The following ADAMTSL3 variants were observed in gnomAD, a reference collection of about 807,000 sequenced individuals.
ADAMTSL3 encodes the protein ADAMTS like 3.
A neutral mutation model predicts 201.7 loss-of-function variants in ADAMTSL3; 128 were observed. The ratio of observed to expected loss-of-function variants is 0.63; its 90% CI spans 0.55 to 0.73. ADAMTSL3 has a LOEUF of 0.73. Ranked by LOEUF, ADAMTSL3 falls within the 30% of genes least tolerant of loss-of-function variation. The pLI, the probability that ADAMTSL3 is intolerant of heterozygous loss-of-function variation, is 0.00. For missense variants in ADAMTSL3, 1,990 were observed against 2,119.6 expected (o/e 0.94, Z 1.20); for synonymous variants, 738 against 748.4 (o/e 0.99, Z 0.23).
At chr15:83,712,870 T>G (rs2061951132) in intron 3 of ADAMTSL3, among the ~76,000 whole-genome samples, 1 of 152,184 alleles carries the variant, frequency 6.6e-6, no homozygotes, top group South Asian at 2.1e-4. Context: ...ACCATATCAT[T>G]CTTCAAACTA....
intron 3 of ADAMTSL3, among the ~76,000 whole-genome samples, chr15:83,740,628 A>G (rs1336242200): frequency 6.6e-6 from 1 of 152,214 alleles, no homozygotes; most frequent in Non-Finnish European, 1.5e-5. Context: ...ATAAGAATAA[A>G]AAAGATGCAA....
At chr15:83,751,451 T>C (rs554958667) in intron 3 of ADAMTSL3, among the ~76,000 whole-genome samples, 1 of 152,278 alleles carries the variant, frequency 6.6e-6, no homozygotes, top group Non-Finnish European at 1.5e-5. Flanking sequence ...TTGGCTGCTC[T>C]GGGTCAATAA....
chr15:83,914,437 A>G (rs1006045519), intron 16 of ADAMTSL3, among the ~76,000 whole-genome samples: 1 of 152,138 alleles, frequency 6.6e-6, no homozygotes, highest in Admixed American at 6.5e-5. Context: ...TTTCCTGTCT[A>G]ATTCAACTTC....
intron 2 of ADAMTSL3, among the ~76,000 whole-genome samples, chr15:83,660,304 T>C (rs2061145066): frequency 3.3e-5 from 5 of 152,212 alleles, no homozygotes; most frequent in Admixed American, 3.3e-4. Context: ...CAGTTACCCC[T>C]GCTATTGCTA....
chr15:83,847,136 C>T (rs1238699052), intron 7 of ADAMTSL3, among the ~76,000 whole-genome samples: 1 of 152,222 alleles, frequency 6.6e-6, no homozygotes, highest in Non-Finnish European at 1.5e-5. Context: ...AGTAATGTGG[C>T]CTAACAGCTC....
intron 3 of ADAMTSL3, among the ~76,000 whole-genome samples, chr15:83,736,127 G>A (rs911756844): frequency 6.8e-6 from 1 of 147,932 alleles, no homozygotes; most frequent in South Asian, 2.1e-4. Flanking sequence ...TTCATAAACA[G>A]GGGAAAGTGG....
chr15:83,695,273 C>G (rs1163270290), intron 2 of ADAMTSL3, among the ~76,000 whole-genome samples: 2 of 806 alleles, frequency 2.5e-3, no homozygotes, highest in African/African-American at 5.4e-3. Flanking sequence ...GTGGTGGGGT[C>G]TTTGAGAAGG....
chr15:83,850,917 C>T (rs2064598540), intron 7 of ADAMTSL3, among the ~76,000 whole-genome samples: 1 of 152,164 alleles, frequency 6.6e-6, no homozygotes, highest in Non-Finnish European at 1.5e-5. Flanking sequence ...CCTTTCTGCC[C>T]TTTATGACTT....
chr15:83,735,300 G>A (rs1335609200), intron 3 of ADAMTSL3, among the ~76,000 whole-genome samples: 1 of 152,072 alleles, frequency 6.6e-6, no homozygotes, highest in Non-Finnish European at 1.5e-5. Flanking sequence ...GCAGCCAACT[G>A]GGAGAGAGAA....
At chr15:83,720,184 A>C (rs1896815) in intron 3 of ADAMTSL3, among the ~76,000 whole-genome samples, 16,111 of 152,154 alleles carry the variant, frequency 0.11, 978 homozygotes, top group East Asian at 0.28. Context: ...ATACCACTGC[A>C]CTCCAGCCTG....
intron 3 of ADAMTSL3, 91 bp from the exon 4 acceptor site, chr15:83,773,432 A>G (rs1269433498): frequency 6.3e-6 from 9 of 1,425,726 alleles, no homozygotes; most frequent in African/African-American, 1.4e-5. Context: ...TGACTCTGGA[A>G]TAACTGGGGA....
intron 2 of ADAMTSL3, among the ~76,000 whole-genome samples, chr15:83,674,990 AT>A (rs1288292980): frequency 1.3e-5 from 2 of 151,504 alleles, no homozygotes; most frequent in East Asian, 1.9e-4. Flanking sequence ...CATATTCTAT[AT>A]TTTTTTGGAG....
intron 23 of ADAMTSL3, among the ~76,000 whole-genome samples, chr15:84,007,598 T>C (rs894538039): frequency 2.0e-5 from 3 of 152,164 alleles, no homozygotes; most frequent in African/African-American, 7.2e-5. Context: ...CTGTTTTTTT[T>C]CTGTGTTTTG....
At chr15:83,888,772 C>T (rs2065447720) in intron 10 of ADAMTSL3, among the ~76,000 whole-genome samples, 1 of 152,294 alleles carries the variant, frequency 6.6e-6, no homozygotes, top group East Asian at 1.9e-4. Context: ...GATTTTCATT[C>T]TTGCGGTTTC....
At chr15:83,674,774 T>TATATAC (rs1361170935) in intron 2 of ADAMTSL3, among the ~76,000 whole-genome samples, 51 of 54,750 alleles carry the variant, frequency 9.3e-4, no homozygotes, top group Non-Finnish European at 1.6e-3. Context: ...TACATATATA[T>TATATAC]ATATATATAT....
intron 7 of ADAMTSL3, among the ~76,000 whole-genome samples, chr15:83,856,715 CAGAT>C (rs2064742911): frequency 6.6e-6 from 1 of 152,296 alleles, no homozygotes; most frequent in South Asian, 2.1e-4. Context: ...CATCCATAGA[CAGAT>C]ACTTAGGTTG....
In ADAMTSL3 at chr15:83,897,934, G is replaced by A. The variant is rs1206973064; in HGVS notation, c.1544G>A (p.Gly515Asp). 19 of 1,613,748 alleles carry A rather than the reference G, an allele frequency of 1.2e-5. No homozygotes were observed. The highest frequency in any genetic ancestry group is 1.5e-5 in the Non-Finnish European group (18 of 1,179,832). Residue 515 changes from glycine (G) to aspartate (D), a missense_variant, in exon 14 of 30, where the codon GGC (glycine) becomes GAC (aspartate). By Grantham distance (94) the Gly-to-Asp change is moderately conservative. Transcript: ENST00000286744. Reference protein sequence around the residue: ...CINHRGEHVGGCNPQLKLHIK... With the variant: ...CINHRGEHVGDCNPQLKLHIK... The stretch of plus-strand genomic sequence containing the variant: ...AACCACCGCGGAGAGCATGTTGGGG[G>A]CTGCAATCCACAACTGAAGTTACAC...
chr15:83,771,704 G>A (rs2062986789), intron 3 of ADAMTSL3, among the ~76,000 whole-genome samples: 1 of 152,198 alleles, frequency 6.6e-6, no homozygotes, highest in Admixed American at 6.5e-5. Flanking sequence ...ACATTGGGTT[G>A]CTTCCATGTC....
At position 83,841,682 on chromosome 15, in the gene ADAMTSL3, C is replaced by T. The variant is rs549183423; in HGVS notation, c.727+3467C>T. 7.9e-5 allele frequency among the ~76,000 whole-genome samples: 12 copies of T among 151,888 alleles called. 1 individual carries two copies. The South Asian group carries it at 1.5e-3, about 18-fold the overall frequency. On this transcript the variant is annotated intron_variant, in intron 7 of 29. Transcript: ENST00000286744. ...GGAGGGGGGGCAGGAAATTGAAGGG[C>T]GGGGTTCCTGGCTAGGGCTCCGCCC...
Sources: gnomAD v4.1 joint callset for allele counts (sites outside exome capture counted in the v4.1 genomes callset) on GRCh38, gnomAD v4.1.1 for gene constraint, MANE v1.5 for transcripts, NCBI Gene and HGNC (gene_info 2026-07-23, HGNC 2026-07-21) for gene names.